The following DST variants were observed in gnomAD, a reference collection of about 807,000 sequenced individuals.
DST encodes the protein dystonin, also known as bullous pemphigoid antigen.
DST carries 253 observed loss-of-function variants against 875.2 expected under a neutral mutation model. The observed-to-expected ratio is 0.29, with a 90% CI of 0.26 to 0.32. The LOEUF is 0.32. DST is among the 10% of genes least tolerant of loss of function. DST has a pLI of 1.00. For synonymous variants in DST, 3,124 were observed against 3,197.1 expected, an observed-to-expected ratio of 0.98 and a Z score of 0.77; for missense variants, 8,287 against 9,111.6, an observed-to-expected ratio of 0.91 and a Z score of 3.68.
At chr6:56,934,920 T>C (rs1812242305) in intron 2 of DST, among the ~76,000 whole-genome samples, 1 of 152,158 alleles carries the variant, frequency 6.6e-6, no homozygotes, top group African/African-American at 2.4e-5. Context: ...TAGTGTTTCT[T>C]TGAGCAACTT....
At chr6:56,582,654 TTACATATGTATACA>T (rs1237765180) in intron 49 of DST, among the ~76,000 whole-genome samples, 4 of 151,966 alleles carry the variant, frequency 2.6e-5, no homozygotes, top group African/African-American at 4.8e-5. Context: ...TGCAGGTTAG[TTACATATGTATACA>T]TGTGCCATGC....
At chr6:56,803,966 C>T (rs1169236630) in intron 4 of DST, among the ~76,000 whole-genome samples, 5 of 152,144 alleles carry the variant, frequency 3.3e-5, no homozygotes, top group Non-Finnish European at 7.4e-5. Flanking sequence ...GGGTCACCAC[C>T]CCATTTCACT....
At chr6:56,705,388 T>C (rs540005948) in intron 5 of DST, among the ~76,000 whole-genome samples, 3 of 152,212 alleles carry the variant, frequency 2.0e-5, no homozygotes, top group South Asian at 4.1e-4. Flanking sequence ...AGTGAGTATA[T>C]AGCACAAAAT....
At chr6:56,777,958 CT>C (rs2099682546) in intron 4 of DST, among the ~76,000 whole-genome samples, 2 of 152,098 alleles carry the variant, frequency 1.3e-5, no homozygotes, top group African/African-American at 4.8e-5. Flanking sequence ...CCACCTCAGC[CT>C]CCCAAAGTGC....
chr6:56,632,715 T>C, intron 28 of DST, 139 bp downstream of exon 28: 1 of 715,206 alleles, frequency 1.4e-6, no homozygotes, highest in Non-Finnish European at 2.4e-6. Context: ...AAACATGCTT[T>C]TACCGTTCCA....
chr6:56,546,290 A>G (rs2097217999), intron 61 of DST, among the ~76,000 whole-genome samples: 1 of 147,216 alleles, frequency 6.8e-6, no homozygotes, highest in South Asian at 2.2e-4. Flanking sequence ...AAAAAATTCT[A>G]TGTAACAGAA....
At chr6:56,839,905 G>C (rs2099797976) in intron 4 of DST, among the ~76,000 whole-genome samples, 1 of 152,114 alleles carries the variant, frequency 6.6e-6, no homozygotes, top group Non-Finnish European at 1.5e-5. Flanking sequence ...AGTGGGGTTA[G>C]TGATATTACA....
intron 3 of DST, among the ~76,000 whole-genome samples, chr6:56,899,117 C>T (rs866057109): frequency 1.9e-4 from 29 of 152,144 alleles, no homozygotes; most frequent in African/African-American, 6.8e-4. Flanking sequence ...GGAATCATAA[C>T]ATCTACCTCA....
intron 5 of DST, among the ~76,000 whole-genome samples, chr6:56,712,242 T>A (rs1428271010): frequency 6.6e-6 from 1 of 152,168 alleles, no homozygotes; most frequent in Non-Finnish European, 1.5e-5. Flanking sequence ...AATCTTTCTT[T>A]AAACTCTTTT....
chr6:56,616,436 G>A lies in DST; in HGVS notation c.4930-1952C>T, dbSNP rs1216069643. ...CACGGTCAATTCTGATCCTGTTTTA[G>A]TATCTACTACAGAAATTCTATGTGT... On this transcript the variant is annotated intron_variant, in intron 36 of 103. Transcript: ENST00000680361. 1.2e-6 allele frequency: 2 copies of A among 1,613,898 alleles called. No homozygotes were observed. The highest frequency in any genetic ancestry group is 1.7e-6 in the Non-Finnish European group (2 of 1,180,018).
At chr6:56,844,270 G>A (rs918499408) in intron 4 of DST, among the ~76,000 whole-genome samples, 17 of 152,130 alleles carry the variant, frequency 1.1e-4, no homozygotes, top group African/African-American at 3.9e-4. Flanking sequence ...GCCTGCGCCT[G>A]AGCTCCCGGC....
At chr6:56,638,750 C>T (rs1463778707) in intron 22 of DST, among the ~76,000 whole-genome samples, 3 of 152,144 alleles carry the variant, frequency 2.0e-5, no homozygotes, top group East Asian at 1.9e-4. Flanking sequence ...CCCAATACAC[C>T]TCACAAAACC....
chr6:56,631,963 C>A lies in DST; in HGVS notation c.3883G>T (p.Asp1295Tyr), dbSNP rs1030803053. 6.2e-7 allele frequency: 1 copy of A among 1,613,614 alleles called. No homozygotes were observed. Among genetic ancestry groups the A allele is most frequent in the African/African-American group, 1.3e-5 (1 of 74,914 alleles). ...GTTCGAATCTGTCTAATCAGCCGATCTTCACAGTTCTCTAACCGAAGTCTA... is the reference window on the plus strand; with the variant it reads ...GTTCGAATCTGTCTAATCAGCCGATATTCACAGTTCTCTAACCGAAGTCTA... ...NIRLRLENCE[D>Y]RLIRQIRTPL... is the part of the protein sequence containing the mutation. Residue 1295 changes from aspartate to tyrosine, a missense_variant, in exon 29 of 104, where the codon GAT (aspartate) becomes TAT (tyrosine). Physicochemically the swap from Asp to Tyr is radical, Grantham distance 160. Around this residue, in one of 10 missense-constraint regions of DST, gnomAD observed 3,138 missense variants for 3,116.6 expected, o/e 1.01. Coordinates refer to ENST00000680361, the MANE Select transcript of DST (RefSeq NM_001374736.1).
Position 56,568,473 on chromosome 6 carries a change from T to C in DST, c.14001A>G (p.Lys4667=), listed in dbSNP as rs750169628. 1 of 1,598,906 alleles carries C rather than the reference T, an allele frequency of 6.3e-7. No homozygotes were observed. Among genetic ancestry groups the C allele is most frequent in the African/African-American group, 1.3e-5 (1 of 74,132 alleles). ...AAATGTAAATAAAGCTCATACCTGATTTAACTGCTGCTATTGCCTTTGCAG... is the reference window on the plus strand; with the variant it reads ...AAATGTAAATAAAGCTCATACCTGACTTAACTGCTGCTATTGCCTTTGCAG... ...TTPAKAIAAV[K]SGGAVLNGEG... is the part of the protein sequence containing the mutation. Residue 4667 remains lysine (K), a synonymous_variant, in exon 55 of 104, where the codon AAA becomes AAG. Transcript: ENST00000680361.
rs6926346 is a variant in DST, at chr6:56,781,660, G to A, written c.626-46371C>T. Among the ~76,000 whole-genome samples, 733 of 152,220 alleles carry A rather than the reference G, an allele frequency of 4.8e-3. 4 individuals carry two copies. The highest frequency in any genetic ancestry group is 0.016 in the African/African-American group (662 of 41,524). The stretch of plus-strand genomic sequence containing the variant: ...GGTTTTCTAGATATACAATCATGTC[G>A]TCTGCAAACAGGGACAATTTGACTT... On this transcript the variant is annotated intron_variant, in intron 4 of 103. Transcript: ENST00000680361.
intron 4 of DST, among the ~76,000 whole-genome samples, chr6:56,801,019 CAG>C (rs1339725253): frequency 8.9e-6 from 1 of 111,974 alleles, no homozygotes; most frequent in East Asian, 2.4e-4. Flanking sequence ...AACATTGTCT[CAG>C]GGAGAAAAAA....
chr6:56,764,724 G>A (rs1401601573), intron 4 of DST, among the ~76,000 whole-genome samples: 11 of 152,144 alleles, frequency 7.2e-5, no homozygotes, highest in East Asian at 3.9e-4. Flanking sequence ...TTGGGAGGCC[G>A]AGGTGGGTGG....
intron 82 of DST, among the ~76,000 whole-genome samples, 167 bp from the exon 83 acceptor site, chr6:56,494,347 A>G (rs752115623): frequency 2.6e-5 from 4 of 152,166 alleles, no homozygotes; most frequent in Non-Finnish European, 4.4e-5. Flanking sequence ...AACAACAATT[A>G]AACCTACAGT....
chr6:56,783,865 G>GCA (rs1458449026), intron 4 of DST, among the ~76,000 whole-genome samples: 1 of 152,190 alleles, frequency 6.6e-6, no homozygotes, highest in Admixed American at 6.5e-5. Context: ...GCTGGTACCT[G>GCA]TTGTGCCTTT....
Sources: allele counts gnomAD v4.1 joint callset (sites outside exome capture counted in the v4.1 genomes callset), GRCh38; gene constraint gnomAD v4.1.1; regional missense constraint gnomAD v4.1.1; transcripts MANE v1.5; gene names NCBI Gene and HGNC (gene_info 2026-07-23, HGNC 2026-07-21).